The following SHISA9 variants were observed in gnomAD, a reference collection of about 807,000 sequenced individuals.
SHISA9 encodes the protein shisa family member 9, also known as protein shisa-9.
Under a neutral mutation model 38.0 loss-of-function variants are expected in SHISA9, and 13 were observed. The observed-to-expected ratio is 0.34, with a 90% CI of 0.22 to 0.54. SHISA9 has a LOEUF of 0.54. Ranked by LOEUF, SHISA9 falls within the 20% of genes least tolerant of loss-of-function variation. The pLI is 0.91. For missense variants in SHISA9, 538 were observed against 575.8 expected (o/e 0.93, Z 0.67); for synonymous variants, 275 against 242.0 (o/e 1.14, Z -1.27).
chr16:12,932,882 G>T (rs962394122), intron 2 of SHISA9, among the ~76,000 whole-genome samples: 4 of 152,178 alleles, frequency 2.6e-5, no homozygotes, highest in Non-Finnish European at 5.9e-5. Flanking sequence ...TGCTGTGATT[G>T]ATTAGCCATG....
At chr16:13,393,275 C>A in the SHISA9 span, among the ~76,000 whole-genome samples, 8 of 152,338 alleles carry the variant, frequency 5.3e-5, no homozygotes, top group African/African-American at 1.4e-4. Flanking sequence ...TATTTTAATT[C>A]TCTGGTGTTG....
rs535561414 is a variant in SHISA9, at chr16:13,112,961, G to A, written c.692-90433G>A. Among the ~76,000 whole-genome samples, 4 of 152,140 alleles carry A rather than the reference G, an allele frequency of 2.6e-5. No individual in the cohort carries two copies. The South Asian group carries it at 8.3e-4, about 32-fold the overall frequency. ...GCAGTGACTCACGCCTGTAATCCCAGCACTTTGGGAGGCCAAGGCAGGCAG... is the reference window on the plus strand; with the variant it reads ...GCAGTGACTCACGCCTGTAATCCCAACACTTTGGGAGGCCAAGGCAGGCAG... On this transcript the variant is annotated intron_variant, in intron 2 of 4. Transcript: ENST00000558583.
intron 1 of SHISA9, among the ~76,000 whole-genome samples, chr16:12,914,046 C>CTT (rs61679035): frequency 1.2e-4 from 15 of 124,260 alleles, no homozygotes; most frequent in South Asian, 2.6e-4. Flanking sequence ...GTTTGTTTTT[C>CTT]TTTTTTTTTT....
chr16:13,269,227 C>G, the SHISA9 span, among the ~76,000 whole-genome samples: 1 of 152,166 alleles, frequency 6.6e-6, no homozygotes, highest in Non-Finnish European at 1.5e-5. Flanking sequence ...TCCTTTTAGA[C>G]TATATAGCAT....
chr16:12,972,839 G>A (rs370304431), intron 2 of SHISA9, among the ~76,000 whole-genome samples: 5 of 152,252 alleles, frequency 3.3e-5, no homozygotes, highest in East Asian at 3.9e-4. Flanking sequence ...TTTGTGGCTG[G>A]GTGCAGTGGT....
intron 2 of SHISA9, among the ~76,000 whole-genome samples, chr16:13,139,043 AG>A (rs2050374592): frequency 6.6e-6 from 1 of 152,184 alleles, no homozygotes; most frequent in African/African-American, 2.4e-5. Flanking sequence ...TGCGAATTAG[AG>A]GAATGAAGTT....
intron 2 of SHISA9, among the ~76,000 whole-genome samples, chr16:13,011,871 G>A (rs1465093128): frequency 6.6e-6 from 1 of 151,504 alleles, no homozygotes; most frequent in Non-Finnish European, 1.5e-5. Context: ...TGTTGCCCAA[G>A]CTGGAGTACA....
chr16:12,992,156 C>T (rs944687505), intron 2 of SHISA9, among the ~76,000 whole-genome samples: 1 of 151,996 alleles, frequency 6.6e-6, no homozygotes, highest in African/African-American at 2.4e-5. Flanking sequence ...AAGTTTAACG[C>T]TGATAAGTTT....
chr16:13,473,955 A>G, the SHISA9 span, among the ~76,000 whole-genome samples: 2 of 152,174 alleles, frequency 1.3e-5, no homozygotes, highest in Non-Finnish European at 2.9e-5. Context: ...AGTGCTATTT[A>G]TATACAGTAA....
At chr16:12,921,380 G>A (rs2071326360) in intron 2 of SHISA9, among the ~76,000 whole-genome samples, 1 of 152,174 alleles carries the variant, frequency 6.6e-6, no homozygotes, top group Non-Finnish European at 1.5e-5. Context: ...ACGCTGTATA[G>A]CTCATATCTA....
chr16:12,938,934 C>T (rs1234423500), intron 2 of SHISA9, among the ~76,000 whole-genome samples: 1 of 152,116 alleles, frequency 6.6e-6, no homozygotes, highest in African/African-American at 2.4e-5. Context: ...TTCTCCCTCC[C>T]ATGTTGAGTA....
chr16:12,902,092 G>C lies in SHISA9; in HGVS notation c.28G>C (p.Gly10Arg), dbSNP rs1276127723. ...GCGCCGCGTCCTTCGGCTGCTCCTC[G>C]GTTGCTTCCTCACCGAGCTGTGCGC... MRRVLRLLL[G>R]CFLTELCARV... The change falls in exon 1 of 5, where the codon GGT (glycine) becomes CGT (arginine). Residue 10 changes from glycine (G) to arginine (R), a missense_variant. Physicochemically the swap from Gly to Arg is moderately radical, Grantham distance 125. This residue lies in a region of SHISA9 where 107 missense variants were observed against 103.0 expected (regional missense o/e 1.04). Transcript: ENST00000558583. 6.7e-7 allele frequency: 1 copy of C among 1,494,334 alleles called. No individual in the cohort carries two copies. The highest frequency in any genetic ancestry group is 8.8e-7 in the Non-Finnish European group (1 of 1,130,628). 92.6% of individuals were successfully genotyped at this position (1,494,334 alleles called of 1,614,324 possible).
chr16:13,257,410 A>T, the SHISA9 span, among the ~76,000 whole-genome samples: 1 of 152,288 alleles, frequency 6.6e-6, no homozygotes, highest in South Asian at 2.1e-4. Context: ...CAAGCCCATA[A>T]GGCATTAAGT....
At chr16:13,465,788 G>A in the SHISA9 span, among the ~76,000 whole-genome samples, 3 of 152,234 alleles carry the variant, frequency 2.0e-5, no homozygotes, top group African/African-American at 4.8e-5. Context: ...CTGCTGCAAC[G>A]ATTTAGTGTA....
At chr16:13,296,667 G>T in the SHISA9 span, among the ~76,000 whole-genome samples, 1 of 151,864 alleles carries the variant, frequency 6.6e-6, no homozygotes, top group East Asian at 1.9e-4. Context: ...AAGGCAAACA[G>T]ATCACTTGAG....
At chr16:13,360,850 C>T in the SHISA9 span, among the ~76,000 whole-genome samples, 1 of 152,044 alleles carries the variant, frequency 6.6e-6, no homozygotes, top group Non-Finnish European at 1.5e-5. Flanking sequence ...TTCTGAGGTG[C>T]ATTCTACACA....
chr16:12,957,025 T>A (rs1374870210), intron 2 of SHISA9, among the ~76,000 whole-genome samples: 3 of 152,218 alleles, frequency 2.0e-5, no homozygotes, highest in Admixed American at 6.5e-5. Flanking sequence ...TTTACTCTTA[T>A]CACCTACAGA....
chr16:12,993,876 A>G (rs1171243155), intron 2 of SHISA9, among the ~76,000 whole-genome samples: 1 of 152,104 alleles, frequency 6.6e-6, no homozygotes, highest in Non-Finnish European at 1.5e-5. Context: ...GGTGGAGGGA[A>G]TAGCATCCAG....
intron 4 of SHISA9, among the ~76,000 whole-genome samples, chr16:13,229,223 G>C (rs376522125): frequency 1.3e-5 from 2 of 152,328 alleles, no homozygotes; most frequent in South Asian, 2.1e-4. Context: ...CTTATATAAT[G>C]CTGGCCAAAA....
Sources: gnomAD v4.1 joint callset for allele counts (sites outside exome capture counted in the v4.1 genomes callset) on GRCh38, gnomAD v4.1.1 for gene constraint, gnomAD v4.1.1 regional missense constraint, MANE v1.5 for transcripts, NCBI Gene and HGNC (gene_info 2026-07-23, HGNC 2026-07-21) for gene names.